KCNU1: variants seen among roughly 807,000 people sequenced by gnomAD.
KCNU1 encodes the protein potassium calcium-activated channel subfamily U member 1.
A neutral mutation model predicts 126.8 loss-of-function variants in KCNU1; 93 were observed. The observed-to-expected ratio is 0.73, with a 90% CI of 0.62 to 0.87. The LOEUF is 0.87. Among genes scored for constraint, KCNU1 ranks in the 40% least tolerant of loss-of-function variants. The pLI, the probability that KCNU1 is intolerant of heterozygous loss-of-function variation, is 0.00. For missense variants in KCNU1, 1,330 were observed against 1,367.1 expected (o/e 0.97, Z 0.43); for synonymous variants, 523 against 494.2 (o/e 1.06, Z -0.77).
intron 19 of KCNU1, among the ~76,000 whole-genome samples, chr8:36,875,019 A>T (rs796624870): frequency 2.0e-5 from 3 of 151,900 alleles, no homozygotes; most frequent in Non-Finnish European, 2.9e-5. Flanking sequence ...GTTTCCTCCT[A>T]ATGAATGTAA....
chr8:36,922,346 T>C (rs1289882341), intron 23 of KCNU1, 144 bp from the exon 24 acceptor site: 8 of 769,182 alleles, frequency 1.0e-5, no homozygotes, highest in Non-Finnish European at 1.6e-5. Context: ...AAAAATGTAC[T>C]GAAAAAGGGG....
intron 18 of KCNU1, among the ~76,000 whole-genome samples, chr8:36,861,253 C>T (rs1423710058): frequency 6.6e-6 from 1 of 152,160 alleles, no homozygotes; most frequent in South Asian, 2.1e-4. Context: ...ATATTGCACT[C>T]CTATATTTGT....
At position 36,864,443 on chromosome 8, in the gene KCNU1, T is replaced by G. The variant is rs774268236; in HGVS notation, c.1931T>G (p.Ile644Ser). Reference sequence around the variant, plus strand: ...AGAATGAAAAAATGTCTGAAGGGAATCTCCTCTCGTATATCAGGGCAGGAT... The same window carrying G: ...AGAATGAAAAAATGTCTGAAGGGAAGCTCCTCTCGTATATCAGGGCAGGAT... ...VKRMKKCLKG[I>S]SSRISGQDSP... The change falls in exon 19 of 27, where the codon ATC (isoleucine) becomes AGC (serine). Residue 644 changes from isoleucine to serine, a missense_variant. Ile to Ser is a moderately radical substitution (Grantham distance 142). Coordinates refer to ENST00000399881, the MANE Select transcript of KCNU1 (RefSeq NM_001031836.3). The G allele has an allele frequency of 6.2e-7, 1 of 1,612,486 alleles. No individual in the cohort carries two copies. Among genetic ancestry groups the G allele is most frequent in the Admixed American group, 1.7e-5 (1 of 59,936 alleles).
intron 10 of KCNU1, among the ~76,000 whole-genome samples, chr8:36,820,448 C>G (rs1804080705): frequency 6.6e-6 from 1 of 152,008 alleles, no homozygotes; most frequent in African/African-American, 2.4e-5. Flanking sequence ...GGAGGAAGAA[C>G]AGCCCATGCA....
chr8:36,912,501 C>T lies in KCNU1; in HGVS notation c.2521+1382C>T, dbSNP rs78084116. ...CAGACTTAGGAGGGGTGAGCCCTACCTCTGCTGAGCAAATCTGAATATTCA... is the reference window on the plus strand; with the variant it reads ...CAGACTTAGGAGGGGTGAGCCCTACTTCTGCTGAGCAAATCTGAATATTCA... On this transcript the variant is annotated intron_variant, in intron 22 of 26. Coordinates refer to ENST00000399881, the MANE Select transcript of KCNU1 (RefSeq NM_001031836.3). Among the ~76,000 whole-genome samples the T allele has an allele frequency of 0.02, 3,052 of 152,136 alleles. 171 individuals carry two copies. In the East Asian group the frequency reaches 0.22, roughly 11 times the overall value.
At chr8:36,788,474 T>C (rs932137385) in intron 2 of KCNU1, among the ~76,000 whole-genome samples, 2 of 152,180 alleles carry the variant, frequency 1.3e-5, no homozygotes, top group Admixed American at 1.3e-4. Context: ...TAATTAGGGG[T>C]ATGCTGCCAT....
intron 19 of KCNU1, among the ~76,000 whole-genome samples, chr8:36,873,703 C>A (rs1806183848): frequency 6.6e-6 from 1 of 152,108 alleles, no homozygotes; most frequent in Middle Eastern, 3.2e-3. Flanking sequence ...GGTTGCTGGG[C>A]AGCTTTACAA....
intron 18 of KCNU1, among the ~76,000 whole-genome samples, chr8:36,846,750 G>A (rs930904170): frequency 5.6e-5 from 8 of 142,724 alleles, no homozygotes; most frequent in African/African-American, 7.9e-5. Context: ...GCAGTAAGCC[G>A]AGATCATACC....
chr8:36,925,995 C>G (rs1808518230), intron 24 of KCNU1, among the ~76,000 whole-genome samples: 1 of 152,080 alleles, frequency 6.6e-6, no homozygotes, highest in African/African-American at 2.4e-5. Flanking sequence ...CAGATCATAC[C>G]TTTTCCTACA....
chr8:36,849,325 A>C (rs188871304), intron 18 of KCNU1, among the ~76,000 whole-genome samples: 157 of 152,328 alleles, frequency 1.0e-3, no homozygotes, highest in African/African-American at 3.7e-3. Context: ...ACAGTGGCTC[A>C]TGCCTGTAAT....
At chr8:36,888,881 A>ATT (rs757172990) in intron 19 of KCNU1, 38 of 422,848 alleles carry the variant, frequency 9.0e-5, no homozygotes, top group South Asian at 6.6e-4. Flanking sequence ...TACTAGTTCC[A>ATT]TTTTTTTTTC....
chr8:36,859,138 C>A (rs1422868849), intron 18 of KCNU1, among the ~76,000 whole-genome samples: 3 of 152,088 alleles, frequency 2.0e-5, no homozygotes, highest in Admixed American at 6.6e-5. Flanking sequence ...ATCTGGAGAT[C>A]CTGGTTCTAA....
intron 2 of KCNU1, among the ~76,000 whole-genome samples, chr8:36,802,108 CAAA>C (rs749026223): frequency 0.24 from 17,274 of 70,554 alleles, 740 homozygotes; most frequent in African/African-American, 0.3. Context: ...AACTCCGTCT[CAAA>C]AAAAAAAAAA....
In KCNU1 at chr8:36,809,225, T is replaced by C. The variant is rs558116977; in HGVS notation, c.732+432T>C. Among the ~76,000 whole-genome samples the C allele has an allele frequency of 1.7e-4, 26 of 152,278 alleles. 3 individuals are homozygous for C. The South Asian group carries it at 3.9e-3, about 23-fold the overall frequency. On this transcript the variant is annotated intron_variant, in intron 7 of 26. Coordinates refer to ENST00000399881, the MANE Select transcript of KCNU1 (RefSeq NM_001031836.3). ...AGTTTGGGGGCTTTCTTGATCCTCC[T>C]GAAATCAATCTGTACACCTAGCTGC...
chr8:36,833,032 C>T (rs1335005343), intron 10 of KCNU1, among the ~76,000 whole-genome samples: 2 of 151,936 alleles, frequency 1.3e-5, no homozygotes, highest in African/African-American at 2.4e-5. Context: ...TATGTAATAA[C>T]TTTGTTTTTG....
At chr8:36,881,505 G>A (rs904520001) in intron 19 of KCNU1, among the ~76,000 whole-genome samples, 10 of 152,036 alleles carry the variant, frequency 6.6e-5, no homozygotes, top group African/African-American at 2.2e-4. Context: ...GTTAACAGAC[G>A]TGAGCCATTT....
At chr8:36,830,979 A>C (rs989902054) in intron 10 of KCNU1, among the ~76,000 whole-genome samples, 16 of 140,186 alleles carry the variant, frequency 1.1e-4, no homozygotes, top group Non-Finnish European at 2.0e-4. Context: ...TCATTGTTCA[A>C]TTCCCACCTA....
At chr8:36,928,361 A>G (rs1162769675) in intron 24 of KCNU1, among the ~76,000 whole-genome samples, 4 of 152,188 alleles carry the variant, frequency 2.6e-5, no homozygotes, top group Admixed American at 2.6e-4. Context: ...ACTCTACACT[A>G]TGGCCACATG....
In KCNU1 at chr8:36,904,318, G is replaced by C. The variant is rs148277785; in HGVS notation, c.2010-1390G>C. On this transcript the variant is annotated intron_variant, in intron 19 of 26. Coordinates refer to ENST00000399881, the MANE Select transcript of KCNU1 (RefSeq NM_001031836.3). The stretch of plus-strand genomic sequence containing the variant: ...GCAGCTAGGCTAGAAGAGACCCTGA[G>C]AACTTCACCTGAGAGCTTCTCATTG... Among the ~76,000 whole-genome samples, 1,273 of 152,246 alleles carry C rather than the reference G, an allele frequency of 8.4e-3. 7 individuals carry two copies. Among genetic ancestry groups the C allele is most frequent in the Non-Finnish European group, 0.014 (933 of 68,014 alleles).
Sources: gnomAD v4.1 joint callset for allele counts (sites outside exome capture counted in the v4.1 genomes callset) on GRCh38, gnomAD v4.1.1 for gene constraint, MANE v1.5 for transcripts, NCBI Gene and HGNC (gene_info 2026-07-23, HGNC 2026-07-21) for gene names.